The following SND1 variants were observed in gnomAD, a reference collection of about 807,000 sequenced individuals.
SND1 encodes staphylococcal nuclease domain-containing protein 1.
SND1 carries 38 observed loss-of-function variants against 121.7 expected under a neutral mutation model. The observed-to-expected ratio is 0.31, with a 90% CI of 0.24 to 0.41. The LOEUF (loss-of-function observed/expected upper bound fraction) is 0.41. Among genes scored for constraint, SND1 ranks in the 10% least tolerant of loss-of-function variants. The pLI, the probability that SND1 is intolerant of heterozygous loss-of-function variation, is 1.00. For synonymous variants in SND1, 401 were observed against 447.4 expected (o/e 0.90, Z 1.31); for missense variants, 868 against 1,184.6 (o/e 0.73, Z 3.92).
chr7:127,857,573 C>G (rs1049816144), intron 12 of SND1, among the ~76,000 whole-genome samples: 1 of 151,126 alleles, frequency 6.6e-6, no homozygotes, highest in Non-Finnish European at 1.5e-5. Flanking sequence ...AAGCAGAGTC[C>G]AGGCAGGGAG....
intron 13 of SND1, among the ~76,000 whole-genome samples, chr7:127,891,303 T>C (rs979573363): frequency 1.3e-5 from 2 of 152,124 alleles, no homozygotes; most frequent in African/African-American, 2.4e-5. Flanking sequence ...GGCACAATCA[T>C]GACTCACTGC....
rs549367272 is a variant in SND1 at position 127,974,321 on chromosome 7, CA to C, written c.1670-16624del. ...TAAATGCCCGTTATCTCCATCCACG[CA>C]AGGTGAATTTGGAGTGGTTTGGATC... On this transcript the variant is annotated intron_variant, in intron 15 of 23. Coordinates refer to ENST00000354725, the MANE Select transcript of SND1 (RefSeq NM_014390.4). Among the ~76,000 whole-genome samples, 16 of 152,316 alleles carry C rather than the reference CA, an allele frequency of 1.1e-4. No homozygotes were observed. In the South Asian group the frequency reaches 3.3e-3, roughly 32 times the overall value.
chr7:128,091,935 C>G (rs367696281), intron 23 of SND1, 54 bp downstream of exon 23: 53 of 1,614,042 alleles, frequency 3.3e-5, no homozygotes, highest in Non-Finnish European at 4.2e-5. Context: ...GGGTTTGGCC[C>G]TCTGAGTTCC....
At chr7:128,074,720 C>T (rs368768120) in intron 17 of SND1, 30 bp downstream of exon 17, 6 of 1,575,680 alleles carry the variant, frequency 3.8e-6, no homozygotes, top group Non-Finnish European at 5.2e-6. Context: ...TGTGCTCTCC[C>T]TGCCCTCCCG....
At chr7:127,874,197 A>T (rs1454500526) in intron 12 of SND1, among the ~76,000 whole-genome samples, 2 of 152,144 alleles carry the variant, frequency 1.3e-5, no homozygotes, top group African/African-American at 4.8e-5. Context: ...CCTGCCAGGG[A>T]CAGGGACAGG....
chr7:127,696,661 C>T (rs779054310), intron 3 of SND1, among the ~76,000 whole-genome samples: 1 of 152,218 alleles, frequency 6.6e-6, no homozygotes, highest in African/African-American at 2.4e-5. Context: ...ATGTAGAGCA[C>T]CCCTAAGAGT....
Position 127,652,255 on chromosome 7 carries a change from C to T in SND1, c.-119C>T. 1 of 843,752 alleles carries T rather than the reference C, an allele frequency of 1.2e-6. No homozygotes were observed. Among genetic ancestry groups the T allele is most frequent in the Non-Finnish European group, 2.0e-6 (1 of 503,098 alleles). The allele number at this position is 843,752 out of a possible 1,614,324, so 52.3% of individuals were successfully genotyped here. On this transcript the variant is annotated 5_prime_UTR_variant, in exon 1 of 24. Transcript: ENST00000354725. ...CGCCCGGCGAGTCCGTCCCGTCCAC[C>T]GTCCGCAGCTGGTAGCCAGCCTGCC...
chr7:127,794,339 C>CT (rs1797971340), intron 10 of SND1, among the ~76,000 whole-genome samples: 3 of 152,192 alleles, frequency 2.0e-5, no homozygotes, highest in Admixed American at 2.0e-4. Context: ...ATAATTCAGT[C>CT]TTGTGTTTTG....
At chr7:128,033,529 C>G (rs1491004179) in intron 16 of SND1, among the ~76,000 whole-genome samples, 1 of 152,204 alleles carries the variant, frequency 6.6e-6, no homozygotes, top group Non-Finnish European at 1.5e-5. Flanking sequence ...GTTTCTACCA[C>G]ACCTATTTCT....
At chr7:127,777,099 T>C (rs1797634543) in intron 10 of SND1, among the ~76,000 whole-genome samples, 1 of 152,160 alleles carries the variant, frequency 6.6e-6, no homozygotes, top group African/African-American at 2.4e-5. Context: ...ATTTTATAAC[T>C]ATTAGGTTAA....
chr7:127,746,462 G>A lies in SND1; in HGVS notation c.1152+25062G>A, dbSNP rs1796984673. On this transcript the variant is annotated intron_variant, in intron 10 of 23. Coordinates refer to ENST00000354725, the MANE Select transcript of SND1 (RefSeq NM_014390.4). ...CAAACTCCAGGGATTATGATTTGAG[G>A]TGGGAGTGAATAGCAGGAACCAATG... is the stretch of plus-strand genomic sequence containing the variant. 2.0e-5 allele frequency among the ~76,000 whole-genome samples: 3 copies of A among 152,154 alleles called. No homozygotes were observed. The South Asian group carries it at 6.2e-4, about 31-fold the overall frequency.
intron 12 of SND1, among the ~76,000 whole-genome samples, chr7:127,880,044 A>G (rs564902121): frequency 6.6e-5 from 10 of 152,332 alleles, no homozygotes; most frequent in African/African-American, 2.4e-4. Context: ...GGAAAATCCT[A>G]GAAATAAACA....
intron 13 of SND1, among the ~76,000 whole-genome samples, chr7:127,894,946 G>A (rs1800088495): frequency 6.6e-6 from 1 of 151,766 alleles, no homozygotes; most frequent in South Asian, 2.1e-4. Context: ...AATTTTATTA[G>A]TACTGCTGGA....
Position 127,903,610 on chromosome 7 carries a change from AAGTGTGAAAG to A in SND1, c.1455-1135_1455-1126del, listed in dbSNP as rs377139979. The stretch of plus-strand genomic sequence containing the variant: ...GGGCTCAGGTGGATGATAAAAGCCC[AAGTGTGAAAG>A]AAATAAGACTATTCTACCTAGCACT... On this transcript the variant is annotated intron_variant, in intron 13 of 23. Transcript: ENST00000354725. Among the ~76,000 whole-genome samples, 226 of 152,272 alleles carry A rather than the reference AAGTGTGAAAG, an allele frequency of 1.5e-3. 1 individual carries two copies. Among genetic ancestry groups the A allele is most frequent in the African/African-American group, 5.3e-3 (221 of 41,574 alleles).
intron 14 of SND1, among the ~76,000 whole-genome samples, chr7:127,922,600 C>A (rs1800743044): frequency 6.6e-6 from 1 of 152,126 alleles, no homozygotes; most frequent in African/African-American, 2.4e-5. Flanking sequence ...TAGTTCCTTG[C>A]AAGTCTGATT....
rs370122785 is a variant in SND1 at position 128,073,150 on chromosome 7, G to A, written c.1780-1352G>A. 2.6e-5 allele frequency among the ~76,000 whole-genome samples: 4 copies of A among 152,212 alleles called. No homozygotes were observed. In the East Asian group the frequency reaches 7.7e-4, roughly 29 times the overall value. ...GCAGGGTCTTTTCTGCCAGGAGGCA[G>A]TGTAGAGAAGGCATTGGGGAAACCT... is the stretch of plus-strand genomic sequence containing the variant. On this transcript the variant is annotated intron_variant, in intron 16 of 23. Transcript: ENST00000354725.
intron 15 of SND1, among the ~76,000 whole-genome samples, chr7:127,963,238 G>A (rs1380897917): frequency 3.5e-5 from 5 of 143,860 alleles, no homozygotes; most frequent in Non-Finnish European, 6.1e-5. Flanking sequence ...AGACTAGAGC[G>A]GCATATTTCT....
intron 15 of SND1, among the ~76,000 whole-genome samples, chr7:127,960,083 GAACTTA>G (rs1801694459): frequency 1.3e-5 from 2 of 152,160 alleles, no homozygotes; most frequent in African/African-American, 4.8e-5. Flanking sequence ...TTCGTCTCTG[GAACTTA>G]CCGGGTGGCA....
At chr7:127,802,159 T>TC (rs962806503) in intron 10 of SND1, among the ~76,000 whole-genome samples, 8 of 151,872 alleles carry the variant, frequency 5.3e-5, no homozygotes, top group South Asian at 2.1e-4. Context: ...AACTTTTTAC[T>TC]CCCCCCAAAA....
Sources: allele counts gnomAD v4.1 joint callset (sites outside exome capture counted in the v4.1 genomes callset), GRCh38; gene constraint gnomAD v4.1.1; transcripts MANE v1.5; gene names NCBI Gene and HGNC (gene_info 2026-07-23, HGNC 2026-07-21).